ZNF563: variants seen among roughly 807,000 people sequenced by gnomAD.
ZNF563 encodes zinc finger protein 563.
In ZNF563, 39 loss-of-function variants were observed where a neutral mutation model predicts 48.5. The observed-to-expected ratio is 0.80, with a 90% confidence interval of 0.62 to 1.05. The LOEUF is 1.05. Ranked by LOEUF, ZNF563 falls within the 50% of genes least tolerant of loss-of-function variation. The pLI, the probability that ZNF563 is intolerant of heterozygous loss-of-function variation, is 0.00. For missense variants in ZNF563, 538 were observed against 597.0 expected, an observed-to-expected ratio of 0.90 and a Z score of 1.03; for synonymous variants, 168 against 187.9, an observed-to-expected ratio of 0.89 and a Z score of 0.87.
chr19:12,338,257 T>C (rs1969038671), upstream of ZNF563, among the ~76,000 whole-genome samples: 1 of 152,166 alleles, frequency 6.6e-6, no homozygotes, highest in South Asian at 2.1e-4. Context: ...TTATTTATTC[T>C]TATTTTTTGA....
rs1416007742 is a variant in ZNF563 at position 12,318,863 on chromosome 19, T to C, written c.1162A>G (p.Thr388Ala). 3.7e-6 allele frequency: 6 copies of C among 1,614,042 alleles called. No individual in the cohort carries two copies. Among genetic ancestry groups the C allele is most frequent in the East Asian group, 2.2e-5 (1 of 44,884 alleles). ...SSFRRHMIMH[T>A]GGGPHKCKIC... Reference sequence around the variant, plus strand: ...TTGCATTTATGAGGTCCACCTCCAGTGTGCATTATCATGTGTCTTCGAAAG... The same window carrying C: ...TTGCATTTATGAGGTCCACCTCCAGCGTGCATTATCATGTGTCTTCGAAAG... Residue 388 changes from threonine to alanine, a missense_variant, in exon 4 of 4, where the codon ACT (threonine) becomes GCT (alanine). Transcript: ENST00000293725.
At chr19:12,322,151 G>A (rs1568474413) in intron 2 of ZNF563, among the ~76,000 whole-genome samples, 1 of 152,166 alleles carries the variant, frequency 6.6e-6, no homozygotes, top group Middle Eastern at 3.4e-3. Context: ...TGCCTCCTGG[G>A]CTCAAGTGAT....
rs778955002 is a variant in ZNF563 at position 12,319,185 on chromosome 19, T to C, written c.840A>G (p.Pro280=). The change falls in exon 4 of 4, where the codon CCA becomes CCG. Residue 280 remains proline (P), a synonymous_variant. Coordinates refer to ENST00000293725, the MANE Select transcript of ZNF563 (RefSeq NM_145276.3). Reference sequence around the variant, plus strand: ...CTTTCCCACACTGTTTACATGTATATGGTTTCTCTCCAGTGTGAGTTCTTT... The same window carrying C: ...CTTTCCCACACTGTTTACATGTATACGGTTTCTCTCCAGTGTGAGTTCTTT... ...RHERTHTGEK[P]YTCKQCGKAF... is the part of the protein sequence containing the mutation. The C allele has an allele frequency of 1.9e-6, 3 of 1,613,882 alleles. No homozygotes were observed. In the South Asian group the frequency reaches 3.3e-5, roughly 18 times the overall value.
chr19:12,319,444 T>C lies in ZNF563; in HGVS notation c.581A>G (p.Asn194Ser). 1.9e-6 allele frequency: 3 copies of C among 1,614,258 alleles called. No individual in the cohort carries two copies. Among genetic ancestry groups the C allele is most frequent in the East Asian group, 2.2e-5 (1 of 44,888 alleles). ...ACACAACTTACATTTATAAGGTCTATTTCCACCTTGCACTACCATGTGTCT... is the reference window on the plus strand; with the variant it reads ...ACACAACTTACATTTATAAGGTCTACTTCCACCTTGCACTACCATGTGTCT... Reference protein sequence around the residue: ...LRRHMVVQGGNRPYKCKLCGK... With the variant: ...LRRHMVVQGGSRPYKCKLCGK... The change falls in exon 4 of 4, where the codon AAT becomes AGT. Residue 194 changes from asparagine (N) to serine (S), a missense_variant. Coordinates refer to ENST00000293725, the MANE Select transcript of ZNF563 (RefSeq NM_145276.3).
At chr19:12,319,871 T>A (rs1968562435) in intron 3 of ZNF563, 38 bp from the exon 4 acceptor site, 1 of 1,553,308 alleles carries the variant, frequency 6.4e-7, no homozygotes. Flanking sequence ...AATAGTTGTT[T>A]CTAAATGATT....
At chr19:12,321,366 AT>A in intron 2 of ZNF563, 34 bp from the exon 3 acceptor site, 1 of 1,375,882 alleles carries the variant, frequency 7.3e-7, no homozygotes. Context: ...ACTATACATT[AT>A]TAGAAAATTA....
intron 1 of ZNF563, among the ~76,000 whole-genome samples, chr19:12,324,477 G>T (rs2145808352): frequency 6.6e-6 from 1 of 152,192 alleles, no homozygotes; most frequent in South Asian, 2.1e-4. Flanking sequence ...CAGCACTTTG[G>T]GTGGCTGAGG....
rs533984930 is a variant in ZNF563, at chr19:12,330,109, C to T, written c.3+3371G>A. 3.3e-5 allele frequency among the ~76,000 whole-genome samples: 5 copies of T among 152,116 alleles called. No homozygotes were observed. The East Asian group carries it at 5.8e-4, about 18-fold the overall frequency. ...CCAATTTTTGTATTCTTAGTAGAGA[C>T]GGGCTTCCCCATGTTGGCCAGGCTG... On this transcript the variant is annotated intron_variant, in intron 1 of 3. Transcript: ENST00000293725.
At chr19:12,329,974 G>T (rs531426181) in intron 1 of ZNF563, among the ~76,000 whole-genome samples, 1 of 151,414 alleles carries the variant, frequency 6.6e-6, no homozygotes, top group East Asian at 1.9e-4. Flanking sequence ...AGGCTGGAGT[G>T]CAATGGCACC....
chr19:12,343,678 C>CA, the ZNF563 span, among the ~76,000 whole-genome samples: 1 of 147,724 alleles, frequency 6.8e-6, no homozygotes, highest in Non-Finnish European at 1.5e-5. Flanking sequence ...ATTACGAGAA[C>CA]AGAAAAAGAC....
At position 12,333,465 on chromosome 19, in the gene ZNF563, A is replaced by C. The variant is rs202040755; in HGVS notation, c.3+15T>G. On this transcript the variant is annotated intron_variant, in intron 1 of 3. Coordinates refer to ENST00000293725, the MANE Select transcript of ZNF563 (RefSeq NM_145276.3). ...CTCTTTCCCACTTTTGGGACGCCTG[A>C]CCCTGCACACGCACCATTTCCCGGC... 1 of 1,613,108 alleles carries C rather than the reference A, an allele frequency of 6.2e-7. No individual in the cohort carries two copies. The highest frequency in any genetic ancestry group is 1.3e-5 in the African/African-American group (1 of 74,868).
At chr19:12,334,955 T>C (rs1969001762), upstream of ZNF563, among the ~76,000 whole-genome samples, 1 of 152,010 alleles carries the variant, frequency 6.6e-6, no homozygotes, top group South Asian at 2.1e-4. Flanking sequence ...TACCCAGATT[T>C]TCCTAACACA....
Position 12,318,961 on chromosome 19 carries a change from T to C in ZNF563, c.1064A>G (p.His355Arg), listed in dbSNP as rs769955256. Residue 355 changes from histidine to arginine, a missense_variant, in exon 4 of 4, where the codon CAT becomes CGT. Coordinates refer to ENST00000293725, the MANE Select transcript of ZNF563 (RefSeq NM_145276.3). ...GFDRPSLVRYHERIHTGEKPY... is the reference protein window; with the variant it reads ...GFDRPSLVRYRERIHTGEKPY... Reference sequence around the variant, plus strand: ...TTTCTCTCCAGTGTGAATTCGTTCATGATATCGAACTAAACTGGGACGATC... The same window carrying C: ...TTTCTCTCCAGTGTGAATTCGTTCACGATATCGAACTAAACTGGGACGATC... The C allele has an allele frequency of 4.3e-6, 7 of 1,614,250 alleles. 1 individual carries two copies. The South Asian group carries it at 4.4e-5, about 10-fold the overall frequency.
At chr19:12,332,331 G>GT (rs1246061735) in intron 1 of ZNF563, among the ~76,000 whole-genome samples, 18 of 147,486 alleles carry the variant, frequency 1.2e-4, no homozygotes, top group Non-Finnish European at 2.4e-4. Context: ...GTCTAACTTT[G>GT]TTTTTTTTCT....
chr19:12,322,691 A>T lies in ZNF563; in HGVS notation c.24T>A (p.Asp8Glu). Reference protein sequence around the residue: MDAVAFEDVAVNFTQEEW... With the variant: MDAVAFEEVAVNFTQEEW... Reference sequence around the variant, plus strand: ...CCTCCTGGGTGAAGTTCACAGCCACATCCTCAAAGGCCACTGCGTCCTGAA... The same window carrying T: ...CCTCCTGGGTGAAGTTCACAGCCACTTCCTCAAAGGCCACTGCGTCCTGAA... Residue 8 changes from aspartate to glutamate, a missense_variant, in exon 2 of 4, where the codon GAT becomes GAA. Transcript: ENST00000293725. 1 of 1,607,618 alleles carries T rather than the reference A, an allele frequency of 6.2e-7. No individual in the cohort carries two copies. The highest frequency in any genetic ancestry group is 1.1e-5 in the South Asian group (1 of 90,874).
chr19:12,328,598 C>A (rs1402666951), intron 1 of ZNF563, among the ~76,000 whole-genome samples: 1 of 152,082 alleles, frequency 6.6e-6, no homozygotes, highest in African/African-American at 2.4e-5. Context: ...CATGGAGAAA[C>A]CCCGTGTCTA....
chr19:12,339,938 G>C, the ZNF563 span, among the ~76,000 whole-genome samples: 1 of 152,142 alleles, frequency 6.6e-6, no homozygotes, highest in African/African-American at 2.4e-5. Flanking sequence ...AAAAAGAAGT[G>C]ATTCATCACA....
chr19:12,332,123 G>C (rs1968933308), intron 1 of ZNF563, among the ~76,000 whole-genome samples: 2 of 152,132 alleles, frequency 1.3e-5, no homozygotes, highest in African/African-American at 4.8e-5. Context: ...TTATGTTGCT[G>C]TGAACTGAGG....
In ZNF563 at chr19:12,322,725, CATAG is replaced by C. The variant is rs774989650; in HGVS notation, c.4-18_4-15del. ...GGCCACTGCGTCCTGAAACATCCCACATAGATAGAGGAGAAAGGTTGAGTGACAG... is the reference window on the plus strand; with the variant it reads ...GGCCACTGCGTCCTGAAACATCCCACATAGAGGAGAAAGGTTGAGTGACAG... On this transcript the variant is annotated splice_polypyrimidine_tract_variant and intron_variant, in intron 1 of 3. Coordinates refer to ENST00000293725, the MANE Select transcript of ZNF563 (RefSeq NM_145276.3). The C allele has an allele frequency of 1.9e-6, 3 of 1,584,674 alleles. No homozygotes were observed. Among genetic ancestry groups the C allele is most frequent in the Admixed American group, 3.6e-5 (2 of 54,802 alleles).
Sources: gnomAD v4.1 joint callset for allele counts (sites outside exome capture counted in the v4.1 genomes callset) on GRCh38, gnomAD v4.1.1 for gene constraint, MANE v1.5 for transcripts, NCBI Gene and HGNC (gene_info 2026-07-23, HGNC 2026-07-21) for gene names.